SMYD3: variants seen among roughly 807,000 people sequenced by gnomAD.
SMYD3 encodes the protein histone-lysine N-methyltransferase SMYD3.
A neutral mutation model predicts 57.7 loss-of-function variants in SMYD3; 36 were observed. The observed-to-expected ratio is 0.62, with a 90% confidence interval of 0.48 to 0.82. SMYD3 has a LOEUF of 0.82. Among genes scored for constraint, SMYD3 ranks in the 40% least tolerant of loss-of-function variants. SMYD3 has a pLI of 0.00. For synonymous variants in SMYD3, 211 were observed against 195.0 expected, an observed-to-expected ratio of 1.08 and a Z score of -0.68; for missense variants, 515 against 538.8, an observed-to-expected ratio of 0.96 and a Z score of 0.44.
intron 8 of SMYD3, among the ~76,000 whole-genome samples, chr1:245,869,080 G>T (rs1462377262): frequency 2.0e-5 from 3 of 151,630 alleles, no homozygotes; most frequent in African/African-American, 7.3e-5. Flanking sequence ...TATAATTCAG[G>T]ACAAAGTTAT....
At chr1:246,282,937 G>A (rs202240618) in intron 5 of SMYD3, among the ~76,000 whole-genome samples, 41 of 152,168 alleles carry the variant, frequency 2.7e-4, no homozygotes, top group African/African-American at 9.9e-4. Context: ...CAGATTCTCA[G>A]CACTGTCAAT....
chr1:245,913,416 A>G (rs2055160424), intron 8 of SMYD3, among the ~76,000 whole-genome samples: 1 of 152,006 alleles, frequency 6.6e-6, no homozygotes, highest in Admixed American at 6.6e-5. Flanking sequence ...AATGTAAATG[A>G]CAAGTTAATG....
At chr1:246,367,027 TC>T (rs1474366176) in intron 1 of SMYD3, among the ~76,000 whole-genome samples, 2 of 150,952 alleles carry the variant, frequency 1.3e-5, no homozygotes, top group African/African-American at 4.9e-5. Flanking sequence ...CTATGTCAAA[TC>T]AAAAACATAA....
rs536146057 is a variant in SMYD3, at chr1:246,170,470, T to C, written c.531+156731A>G. Among the ~76,000 whole-genome samples the C allele has an allele frequency of 1.6e-3, 243 of 152,024 alleles. 1 individual carries two copies. Among genetic ancestry groups the C allele is most frequent in the African/African-American group, 5.4e-3 (226 of 41,534 alleles). Reference sequence around the variant, plus strand: ...ATTACTGCTTTCACCAAACAAGGATTGCTATGAATAATTTTTTCTTAATTT... The same window carrying C: ...ATTACTGCTTTCACCAAACAAGGATCGCTATGAATAATTTTTTCTTAATTT... On this transcript the variant is annotated intron_variant, in intron 5 of 11. Coordinates refer to ENST00000490107, the MANE Select transcript of SMYD3 (RefSeq NM_001167740.2).
chr1:246,447,248 G>T (rs1288420774), intron 1 of SMYD3, among the ~76,000 whole-genome samples: 1 of 152,162 alleles, frequency 6.6e-6, no homozygotes, highest in Non-Finnish European at 1.5e-5. Context: ...GAGGAATTGG[G>T]GAGGTAATTA....
chr1:246,492,397 C>T (rs755746144), intron 1 of SMYD3, among the ~76,000 whole-genome samples: 15 of 152,050 alleles, frequency 9.9e-5, no homozygotes, highest in Non-Finnish European at 1.9e-4. Context: ...TCTCAGAGAA[C>T]GCCGATGGCT....
At chr1:246,125,963 TA>T (rs1383998584) in intron 5 of SMYD3, among the ~76,000 whole-genome samples, 1 of 152,064 alleles carries the variant, frequency 6.6e-6, no homozygotes, top group Non-Finnish European at 1.5e-5. Flanking sequence ...GAGGAATCTA[TA>T]AGATGTATTG....
chr1:245,929,269 A>G (rs2056574029), intron 6 of SMYD3, among the ~76,000 whole-genome samples: 1 of 152,254 alleles, frequency 6.6e-6, no homozygotes, highest in African/African-American at 2.4e-5. Flanking sequence ...GAATTCTTAG[A>G]TTCACAATTA....
chr1:245,996,577 G>C (rs1424387671), intron 5 of SMYD3, among the ~76,000 whole-genome samples: 1 of 152,204 alleles, frequency 6.6e-6, no homozygotes, highest in African/African-American at 2.4e-5. Context: ...ACTAGGCACA[G>C]AGTAAAAATT....
intron 5 of SMYD3, among the ~76,000 whole-genome samples, chr1:246,020,706 A>C (rs2059456234): frequency 6.6e-6 from 1 of 152,218 alleles, no homozygotes; most frequent in Non-Finnish European, 1.5e-5. Context: ...GTAGATACTC[A>C]TCATAATAAT....
In SMYD3 at chr1:246,011,459, G is replaced by C. The variant is rs182435798; in HGVS notation, c.532-81522C>G. ...CATAACGGTTTTTCATGGTCAGAAA[G>C]TGAACACTACAGGTTTGGCCTATGT... On this transcript the variant is annotated intron_variant, in intron 5 of 11. Transcript: ENST00000490107. 1.2e-3 allele frequency among the ~76,000 whole-genome samples: 177 copies of C among 152,282 alleles called. 3 individuals carry two copies. The Middle Eastern group carries it at 0.014, about 12-fold the overall frequency.
chr1:246,148,087 G>A (rs895832826), intron 5 of SMYD3, among the ~76,000 whole-genome samples: 4 of 152,146 alleles, frequency 2.6e-5, no homozygotes, highest in African/African-American at 9.7e-5. Context: ...CTTCAGACCA[G>A]GGAGGGCCTG....
At chr1:246,281,410 C>G (rs939513112) in intron 5 of SMYD3, among the ~76,000 whole-genome samples, 2 of 152,184 alleles carry the variant, frequency 1.3e-5, no homozygotes, top group Admixed American at 1.3e-4. Context: ...TCACATTTAC[C>G]CTACTCAGTA....
At chr1:246,088,478 C>A (rs1425012805) in intron 5 of SMYD3, among the ~76,000 whole-genome samples, 1 of 130,820 alleles carries the variant, frequency 7.6e-6, no homozygotes, top group Non-Finnish European at 1.5e-5. Context: ...GGCGTGGTGA[C>A]AGGCGCCTGT....
intron 5 of SMYD3, among the ~76,000 whole-genome samples, chr1:246,324,364 G>C (rs1438890798): frequency 7.0e-6 from 1 of 143,800 alleles, no homozygotes; most frequent in Non-Finnish European, 1.5e-5. Flanking sequence ...GCAGTGAGCC[G>C]ATGTTGCGCC....
At chr1:246,311,118 G>C (rs1281382560) in intron 5 of SMYD3, among the ~76,000 whole-genome samples, 1 of 152,156 alleles carries the variant, frequency 6.6e-6, no homozygotes, top group Non-Finnish European at 1.5e-5. Flanking sequence ...GTTTTCAAAA[G>C]AACTTTTAAA....
intron 5 of SMYD3, among the ~76,000 whole-genome samples, chr1:246,082,761 T>A (rs560944995): frequency 3.3e-5 from 5 of 152,290 alleles, no homozygotes; most frequent in African/African-American, 1.2e-4. Context: ...CTCCATTTTG[T>A]TCTGTACTAA....
intron 5 of SMYD3, among the ~76,000 whole-genome samples, chr1:246,284,522 T>C (rs879506349): frequency 5.3e-5 from 8 of 151,732 alleles, no homozygotes; most frequent in Admixed American, 5.3e-4. Flanking sequence ...GTTCACGCCA[T>C]TCTCCTGCCT....
At chr1:245,798,025 C>T (rs771698404) in intron 10 of SMYD3, among the ~76,000 whole-genome samples, 4 of 152,018 alleles carry the variant, frequency 2.6e-5, no homozygotes, top group Non-Finnish European at 5.9e-5. Flanking sequence ...TTTGCTCATT[C>T]GGCATCAACG....
Sources: gnomAD v4.1 joint callset for allele counts (sites outside exome capture counted in the v4.1 genomes callset) on GRCh38, gnomAD v4.1.1 for gene constraint, MANE v1.5 for transcripts, NCBI Gene and HGNC (gene_info 2026-07-23, HGNC 2026-07-21) for gene names.